The following LIPG variants were observed in gnomAD, a reference collection of about 807,000 sequenced individuals.
LIPG encodes lipase G, endothelial type.
A neutral mutation model predicts 51.8 loss-of-function variants in LIPG; 34 were observed. The ratio of observed to expected loss-of-function variants is 0.66; its 90% CI spans 0.50 to 0.87. LIPG has a LOEUF of 0.87. Ranked by LOEUF, LIPG falls within the 40% of genes least tolerant of loss-of-function variation. The pLI is 0.00. For missense variants in LIPG, 580 were observed against 652.7 expected (o/e 0.89, Z 1.21); for synonymous variants, 246 against 246.1 (o/e 1.00, Z 0.00).
chr18:49,580,719 G>A (rs890971589), intron 5 of LIPG, among the ~76,000 whole-genome samples: 2 of 152,176 alleles, frequency 1.3e-5, no homozygotes, highest in African/African-American at 4.8e-5. Flanking sequence ...GTGAGATGAT[G>A]TTTAGGATCT....
At chr18:49,579,235 A>T (rs1270058685) in intron 5 of LIPG, among the ~76,000 whole-genome samples, 42 of 125,506 alleles carry the variant, frequency 3.3e-4, no homozygotes, top group Non-Finnish European at 6.1e-4. Context: ...GGAGAGGGAG[A>T]GGGCTCACCG....
intron 8 of LIPG, among the ~76,000 whole-genome samples, chr18:49,586,451 A>G (rs2084880828): frequency 6.6e-6 from 1 of 151,624 alleles, no homozygotes; most frequent in Non-Finnish European, 1.5e-5. Context: ...TCAGGCAGTC[A>G]GGAAGGCTTC....
chr18:49,576,895 T>G (rs948366291), intron 5 of LIPG, among the ~76,000 whole-genome samples: 2 of 152,246 alleles, frequency 1.3e-5, no homozygotes. Flanking sequence ...TACAGACATG[T>G]GCCACTGCAT....
At position 49,562,294 on chromosome 18, in the gene LIPG, G is replaced by T; in HGVS notation, c.-15G>T. 1 of 1,610,262 alleles carries T rather than the reference G, an allele frequency of 6.2e-7. No individual in the cohort carries two copies. Reference sequence around the variant, plus strand: ...TAAAACTTCTGTTTCTTGGGAGGGGGTGTGGCGGGGCAGGATGAGCAACTC... The same window carrying T: ...TAAAACTTCTGTTTCTTGGGAGGGGTTGTGGCGGGGCAGGATGAGCAACTC... On this transcript the variant is annotated 5_prime_UTR_variant, in exon 1 of 10. Transcript: ENST00000261292.
At chr18:49,572,730 TAAAAAA>T (rs149836695) in intron 4 of LIPG, among the ~76,000 whole-genome samples, 5 of 130,894 alleles carry the variant, frequency 3.8e-5, no homozygotes, top group Admixed American at 7.7e-5. Flanking sequence ...GACCCTGTCT[TAAAAAA>T]AAAAAAAAAA....
rs1223108521 is a variant in LIPG, at chr18:49,567,591, C to T, written c.429C>T (p.His143=). Residue 143 remains histidine (H), a synonymous_variant, in exon 3 of 10, where the codon CAC becomes CAT. Coordinates refer to ENST00000261292, the MANE Select transcript of LIPG (RefSeq NM_006033.4). ...TCAATAATACCAGGGTGGTGGGACA[C>T]AGCATTGCCAGGATGCTCGACTGGC... ...DAVNNTRVVG[H]SIARMLDWLQ... 1 of 1,614,068 alleles carries T rather than the reference C, an allele frequency of 6.2e-7. No homozygotes were observed. Among genetic ancestry groups the T allele is most frequent in the South Asian group, 1.1e-5 (1 of 91,076 alleles).
rs1376957957 is a variant in LIPG, at chr18:49,593,467, T to G, written c.*2945T>G. On this transcript the variant is annotated 3_prime_UTR_variant, in exon 10 of 10. Transcript: ENST00000261292. ...TGGATGTTAGGAAGAACAGGGAGCA[T>G]GGCTGGACACTGGGGAGCATTAGTG... 6.6e-6 allele frequency: 1 copy of G among 152,192 alleles called. No individual in the cohort carries two copies. Among genetic ancestry groups the G allele is most frequent in the East Asian group, 1.9e-4 (1 of 5,198 alleles). The allele number at this position is 152,192 out of a possible 1,614,324, so 9.4% of individuals were successfully genotyped here.
At position 49,567,424 on chromosome 18, in the gene LIPG, T is replaced by C. The variant is rs952724316; in HGVS notation, c.280-18T>C. The C allele has an allele frequency of 8.7e-6, 14 of 1,612,432 alleles. No homozygotes were observed. Among genetic ancestry groups the C allele is most frequent in the Non-Finnish European group, 1.0e-5 (12 of 1,178,982 alleles). ...TCTGAAACCAAGAATAAAAAACAAC[T>C]TCCACTTTTCTCTGCAGATGAGCGG... On this transcript the variant is annotated intron_variant, in intron 2 of 9. Transcript: ENST00000261292.
At chr18:49,583,875 C>G in intron 8 of LIPG, 101 bp downstream of exon 8, 2 of 1,071,854 alleles carry the variant, frequency 1.9e-6, no homozygotes, top group Admixed American at 4.5e-5. Flanking sequence ...CTCAATCCTT[C>G]CCTCCAGCAT....
intron 5 of LIPG, among the ~76,000 whole-genome samples, chr18:49,580,633 T>TAAAACA (rs1327884149): frequency 1.3e-5 from 2 of 150,040 alleles, no homozygotes; most frequent in South Asian, 2.1e-4. Context: ...ACACTGTCTA[T>TAAAACA]AAAACAAAAA....
chr18:49,579,782 T>TCCTTTCCTTTCCTCCCCTCCCCTCCC (rs2084796562), intron 5 of LIPG, among the ~76,000 whole-genome samples: 2 of 78,662 alleles, frequency 2.5e-5, no homozygotes, highest in Admixed American at 1.2e-4. Context: ...TCTTTTCTTT[T>TCCTTTCCTTTCCTCCCCTCCCCTCCC]CTTTTCTTTT....
upstream of LIPG, chr18:49,561,579 AGAG>A (rs1202556657): frequency 6.0e-6 from 5 of 831,892 alleles, no homozygotes; most frequent in South Asian, 6.2e-5. Flanking sequence ...GGGAGGGAGA[AGAG>A]GAGGACAAAG....
intron 7 of LIPG, among the ~76,000 whole-genome samples, chr18:49,583,302 T>A (rs536259707): frequency 1.3e-5 from 2 of 152,106 alleles, no homozygotes; most frequent in Non-Finnish European, 2.9e-5. Context: ...ATAAGTGGGG[T>A]GGAGGGGGTG....
In LIPG at chr18:49,591,448, A is replaced by G. The variant is rs1356187863; in HGVS notation, c.*926A>G. Reference sequence around the variant, plus strand: ...CAGAATAGCAAGCAGAGTATCATTCATGCTGGGGCCAGAATGATGGCCGGT... The same window carrying G: ...CAGAATAGCAAGCAGAGTATCATTCGTGCTGGGGCCAGAATGATGGCCGGT... On this transcript the variant is annotated 3_prime_UTR_variant, in exon 10 of 10. Coordinates refer to ENST00000261292, the MANE Select transcript of LIPG (RefSeq NM_006033.4). 2.0e-5 allele frequency: 3 copies of G among 152,234 alleles called. No individual in the cohort carries two copies. The highest frequency in any genetic ancestry group is 4.4e-5 in the Non-Finnish European group (3 of 68,038). 9.4% of individuals were successfully genotyped at this position (152,234 alleles called of 1,614,324 possible).
At chr18:49,567,336 CAAAAA>C (rs200206113) in intron 2 of LIPG, 101 bp from the exon 3 acceptor site, 3 of 996,848 alleles carry the variant, frequency 3.0e-6, no homozygotes, top group Non-Finnish European at 4.3e-6. Context: ...GACCCTGAGT[CAAAAA>C]AAAAAAATTA....
chr18:49,575,098 G>A (rs1353835775), intron 4 of LIPG, among the ~76,000 whole-genome samples: 1 of 152,188 alleles, frequency 6.6e-6, no homozygotes, highest in Non-Finnish European at 1.5e-5. Flanking sequence ...GCTAGTTGAC[G>A]GGGTTTGGCT....
intron 1 of LIPG, among the ~76,000 whole-genome samples, chr18:49,564,124 CCT>C (rs1568525310): frequency 6.6e-6 from 1 of 152,152 alleles, no homozygotes; most frequent in East Asian, 1.9e-4. Flanking sequence ...CATTCTTCCC[CCT>C]CTCTCCCTCC....
intron 5 of LIPG, among the ~76,000 whole-genome samples, chr18:49,580,288 T>A (rs928037764): frequency 6.6e-6 from 1 of 152,172 alleles, no homozygotes; most frequent in African/African-American, 2.4e-5. Context: ...CTATGGACCT[T>A]TGGGTCATAA....
rs138438163 is a variant in LIPG at position 49,583,569 on chromosome 18, G to A, written c.1171G>A (p.Glu391Lys). 412 of 1,613,886 alleles carry A rather than the reference G, an allele frequency of 2.6e-4. No homozygotes were observed. The highest frequency in any genetic ancestry group is 3.0e-4 in the Non-Finnish European group (351 of 1,180,002). Reference sequence around the variant, plus strand: ...TCCCACTTGTAGAGTGGAGCGGATCGAGCAGAATGCCACCAACACCTTCCT... The same window carrying A: ...TCCCACTTGTAGAGTGGAGCGGATCAAGCAGAATGCCACCAACACCTTCCT... ...TLPLEIVERI[E>K]QNATNTFLVY... The change falls in exon 8 of 10, where the codon GAG becomes AAG. Residue 391 changes from glutamate (E) to lysine (K), a missense_variant. Glu to Lys is a moderately conservative substitution (Grantham distance 56). Coordinates refer to ENST00000261292, the MANE Select transcript of LIPG (RefSeq NM_006033.4).
Sources: allele counts gnomAD v4.1 joint callset (sites outside exome capture counted in the v4.1 genomes callset), GRCh38; gene constraint gnomAD v4.1.1; transcripts MANE v1.5; gene names NCBI Gene and HGNC (gene_info 2026-07-23, HGNC 2026-07-21).